The following DHODH variants were observed in gnomAD, a reference collection of about 807,000 sequenced individuals.
DHODH encodes the protein dihydroorotate dehydrogenase (quinone), mitochondrial.
A neutral mutation model predicts 39.7 loss-of-function variants in DHODH; 30 were observed. The ratio of observed to expected loss-of-function variants is 0.76; its 90% CI spans 0.57 to 1.02. The LOEUF is 1.02. DHODH is among the 50% of genes least tolerant of loss of function. The probability of loss-of-function intolerance (pLI) is 0.00; values close to 1 mark genes in which losing one functional copy is unlikely to be tolerated. For synonymous variants in DHODH, 222 were observed against 213.8 expected (o/e 1.04, Z -0.34); for missense variants, 531 against 520.8 (o/e 1.02, Z -0.19).
intron 6 of DHODH, 147 bp from the exon 7 acceptor site, chr16:72,023,018 A>T: frequency 1.3e-6 from 1 of 760,174 alleles, no homozygotes; most frequent in Non-Finnish European, 2.3e-6. Flanking sequence ...GTTGAGGAAA[A>T]GATGAGTAGT....
chr16:72,023,073 C>T, intron 6 of DHODH, 92 bp from the exon 7 acceptor site: 7 of 1,350,766 alleles, frequency 5.2e-6, no homozygotes, highest in Non-Finnish European at 6.3e-6. Flanking sequence ...GGTGTGGGTA[C>T]CTGGCCCGGC....
rs1308161014 is a variant in DHODH, at chr16:72,024,985, C to G, written c.*786C>G. On this transcript the variant is annotated 3_prime_UTR_variant, in exon 9 of 9. Transcript: ENST00000219240. ...CTCTGTCACACACAAAACAAACAAA[C>G]AAATTTTCCCGTTTCTCTCTGTCCC... 2.0e-5 allele frequency: 3 copies of G among 152,216 alleles called. No homozygotes were observed. Among genetic ancestry groups the G allele is most frequent in the Non-Finnish European group, 2.9e-5 (2 of 68,052 alleles). The allele number at this position is 152,216 out of a possible 1,614,324, so 9.4% of individuals were successfully genotyped here.
Position 72,014,554 on chromosome 16 carries a change from G to A in DHODH, c.316G>A (p.Gly106Arg), listed in dbSNP as rs561068542. The change falls in exon 3 of 9, where the codon GGA (glycine) becomes AGA (arginine). Residue 106 changes from glycine to arginine, a missense_variant. Physicochemically the swap from Gly to Arg is moderately radical, Grantham distance 125. Coordinates refer to ENST00000219240, the MANE Select transcript of DHODH (RefSeq NM_001361.5). ...TGACAAGCATGGGGAAGCCGTGGAC[G>A]GACTTTATAAGATGGGCTTTGGTTT... ...GFDKHGEAVD[G>R]LYKMGFGFVE... The A allele has an allele frequency of 6.2e-6, 10 of 1,614,192 alleles. No individual in the cohort carries two copies. The highest frequency in any genetic ancestry group is 2.2e-5 in the East Asian group (1 of 44,888).
At chr16:72,024,026 G>A in intron 8 of DHODH, 119 bp from the exon 9 acceptor site, 1 of 1,042,668 alleles carries the variant, frequency 9.6e-7, no homozygotes, top group Non-Finnish European at 1.5e-6. Context: ...GAAGAGTGTA[G>A]AGGAAACCAG....
Position 72,012,222 on chromosome 16 carries a change from G to T in DHODH, c.194G>T (p.Gly65Val), listed in dbSNP as rs1432448490. Residue 65 changes from glycine to valine, a missense_variant, in exon 2 of 9, where the codon GGG becomes GTG. Physicochemically the swap from Gly to Val is moderately radical, Grantham distance 109 (BLOSUM62 -3). Coordinates refer to ENST00000219240, the MANE Select transcript of DHODH (RefSeq NM_001361.5). Reference protein sequence around the residue: ...HRLAVRFTSLGLLPRARFQDS... With the variant: ...HRLAVRFTSLVLLPRARFQDS... The stretch of plus-strand genomic sequence containing the variant: ...CTGGCTGTTCGCTTCACCTCCCTGG[G>T]GCTCCTTCCACGGGCCAGATTTCAA... 2 of 1,614,112 alleles carry T rather than the reference G, an allele frequency of 1.2e-6. No individual in the cohort carries two copies. The highest frequency in any genetic ancestry group is 1.7e-6 in the Non-Finnish European group (2 of 1,180,028).
At chr16:72,011,783 G>A (rs1374450607) in intron 1 of DHODH, among the ~76,000 whole-genome samples, 1 of 152,160 alleles carries the variant, frequency 6.6e-6, no homozygotes, top group Non-Finnish European at 1.5e-5. Context: ...CAGTAGCAGT[G>A]TCCACCACGA....
In DHODH at chr16:72,026,967, G is replaced by A. The variant is rs1218394128; in HGVS notation, c.*2768G>A. 3.6e-5 allele frequency: 1 copy of A among 27,742 alleles called. No homozygotes were observed. The highest frequency in any genetic ancestry group is 2.4e-4 in the Admixed American group (1 of 4,084). The allele number at this position is 27,742 out of a possible 1,614,324, so 1.7% of individuals were successfully genotyped here. A position where few individuals can be genotyped will look rare whatever the true frequency, so the allele number is the denominator to read the frequency against. On this transcript the variant is annotated 3_prime_UTR_variant, in exon 9 of 9. Coordinates refer to ENST00000219240, the MANE Select transcript of DHODH (RefSeq NM_001361.5). Reference sequence around the variant, plus strand: ...TACCACACCCAGCTAATTTGTGTGTGTGTGTGTGTGTGTGTGTGTGTGTGT... The same window carrying A: ...TACCACACCCAGCTAATTTGTGTGTATGTGTGTGTGTGTGTGTGTGTGTGT...
intron 8 of DHODH, 80 bp downstream of exon 8, chr16:72,023,713 G>T: frequency 1.9e-6 from 3 of 1,583,906 alleles, no homozygotes; most frequent in South Asian, 2.2e-5. Context: ...AGATACTGTT[G>T]ATCTGTTTCT....
At chr16:72,010,549 T>A (rs982018038) in intron 1 of DHODH, among the ~76,000 whole-genome samples, 23 of 152,216 alleles carry the variant, frequency 1.5e-4, no homozygotes, top group Non-Finnish European at 2.8e-4. Flanking sequence ...AGGGGCAAGA[T>A]CTGTTTTGTC....
rs775826046 is a variant in DHODH, at chr16:72,023,502, T to C, written c.1002T>C (p.Gly334=). Residue 334 remains glycine, a synonymous_variant, in exon 8 of 9, where the codon GGT becomes GGC. Transcript: ENST00000219240. ...QGRVPIIGVG[G]VSSGQDALEK... ...GAGTTCCCATAATTGGGGTTGGTGG[T>C]GTGAGCAGCGGGCAGGACGCGCTGG... The C allele has an allele frequency of 8.7e-6, 14 of 1,614,046 alleles. No individual in the cohort carries two copies. The African/African-American group carries it at 1.7e-4, about 20-fold the overall frequency.
Position 72,024,284 on chromosome 16 carries a change from TC to T in DHODH, c.*87del. 1.4e-6 allele frequency: 2 copies of T among 1,463,402 alleles called. No homozygotes were observed. Among genetic ancestry groups the T allele is most frequent in the Non-Finnish European group, 1.9e-6 (2 of 1,047,304 alleles). The allele number at this position is 1,463,402 out of a possible 1,614,324, so 90.7% of individuals were successfully genotyped here. On this transcript the variant is annotated 3_prime_UTR_variant, in exon 9 of 9. Coordinates refer to ENST00000219240, the MANE Select transcript of DHODH (RefSeq NM_001361.5). ...GTGGCTGGATCATGAGAGGAGGGACTCCATCTTGAGCCATGTCCCCCAGCCA... is the reference window on the plus strand; with the variant it reads ...GTGGCTGGATCATGAGAGGAGGGACTCATCTTGAGCCATGTCCCCCAGCCA...
chr16:72,023,020 A>G, intron 6 of DHODH, 145 bp from the exon 7 acceptor site: 1 of 765,706 alleles, frequency 1.3e-6, no homozygotes, highest in South Asian at 1.5e-5. Flanking sequence ...TGAGGAAAAG[A>G]TGAGTAGTGA....
intron 1 of DHODH, chr16:72,009,113 G>C: frequency 1.5e-6 from 2 of 1,295,324 alleles, no homozygotes; most frequent in Non-Finnish European, 2.0e-6. Flanking sequence ...AACGGGGAAT[G>C]AAACTAGAGT....
intron 4 of DHODH, chr16:72,020,371 A>ATATATATATATATGTGTATATATATATAT (rs1455738856): frequency 2.2e-5 from 2 of 89,114 alleles, no homozygotes; most frequent in African/African-American, 1.0e-4. Flanking sequence ...ATATATATAT[A>ATATATATATATATGTGTATATATATATAT]TTTTTTTTTT....
At chr16:72,011,483 T>C (rs2041080867) in intron 1 of DHODH, among the ~76,000 whole-genome samples, 1 of 152,130 alleles carries the variant, frequency 6.6e-6, no homozygotes, top group African/African-American at 2.4e-5. Context: ...TTCAAAAAAT[T>C]GGCTGGGCTT....
Position 72,021,152 on chromosome 16 carries a change from G to T in DHODH, c.546G>T (p.Gly182=), listed in dbSNP as rs954515669. The part of the protein sequence containing the change: ...EDGLPLGVNL[G]KNKTSVDAAE... Reference sequence around the variant, plus strand: ...GACTGCCTCTGGGGGTCAACTTGGGGAAGAACAAGACCTCAGTGGACGCCG... The same window carrying T: ...GACTGCCTCTGGGGGTCAACTTGGGTAAGAACAAGACCTCAGTGGACGCCG... The change falls in exon 5 of 9, where the codon GGG becomes GGT. Residue 182 remains glycine (G), a synonymous_variant. Coordinates refer to ENST00000219240, the MANE Select transcript of DHODH (RefSeq NM_001361.5). 4 of 1,609,174 alleles carry T rather than the reference G, an allele frequency of 2.5e-6. No individual in the cohort carries two copies. The highest frequency in any genetic ancestry group is 3.4e-6 in the Non-Finnish European group (4 of 1,177,802).
intron 4 of DHODH, among the ~76,000 whole-genome samples, chr16:72,018,994 G>T (rs532875641): frequency 6.6e-6 from 1 of 152,164 alleles, no homozygotes; most frequent in Non-Finnish European, 1.5e-5. Context: ...AGAGTCTCCC[G>T]CTATTGCCCA....
chr16:72,010,470 A>G (rs1443702623), intron 1 of DHODH, among the ~76,000 whole-genome samples: 2 of 152,178 alleles, frequency 1.3e-5, no homozygotes, highest in South Asian at 2.1e-4. Flanking sequence ...CACAGTTGCT[A>G]TGACTACATA....
rs2041121023 is a variant in DHODH at position 72,014,677 on chromosome 16, G to T, written c.434+5G>T. The T allele has an allele frequency of 6.2e-7, 1 of 1,614,036 alleles. No homozygotes were observed. The highest frequency in any genetic ancestry group is 8.5e-7 in the Non-Finnish European group (1 of 1,180,016). ...GGACCAAGCTGTCATTAACAGGTAG[G>T]TGAGCGGCCCAGAGTTAACGGGGGA... On this transcript the variant is annotated splice_donor_5th_base_variant and intron_variant, in intron 3 of 8. Transcript: ENST00000219240.
Sources: gnomAD v4.1 joint callset for allele counts (sites outside exome capture counted in the v4.1 genomes callset) on GRCh38, gnomAD v4.1.1 for gene constraint, MANE v1.5 for transcripts, NCBI Gene and HGNC (gene_info 2026-07-23, HGNC 2026-07-21) for gene names.